The following BRD9 variants were observed in gnomAD, a reference collection of about 807,000 sequenced individuals.
BRD9 encodes the protein bromodomain containing 9.
A neutral mutation model predicts 68.7 loss-of-function variants in BRD9; 47 were observed. That is an observed-to-expected ratio of 0.68 (90% CI 0.54 to 0.87). The LOEUF (loss-of-function observed/expected upper bound fraction) is 0.87. Among genes scored for constraint, BRD9 ranks in the 40% least tolerant of loss-of-function variants. The pLI is 0.00. For synonymous variants in BRD9, 313 were observed against 293.9 expected, an observed-to-expected ratio of 1.06 and a Z score of -0.67; for missense variants, 670 against 748.4, an observed-to-expected ratio of 0.90 and a Z score of 1.22.
At chr5:889,880 CT>C in intron 3 of BRD9, 1 of 722,752 alleles carries the variant, frequency 1.4e-6, no homozygotes, top group Non-Finnish European at 2.2e-6. Flanking sequence ...ACCGGTAGCC[CT>C]TACATCAACA....
chr5:891,520 C>T lies in BRD9; in HGVS notation c.267+120G>A, dbSNP rs577558696. 76 of 1,439,218 alleles carry T rather than the reference C, an allele frequency of 5.3e-5. No homozygotes were observed. In the African/African-American group the frequency reaches 9.3e-4, roughly 18 times the overall value. 89.2% of individuals were successfully genotyped at this position (1,439,218 alleles called of 1,614,324 possible). A position where few individuals can be genotyped will look rare whatever the true frequency, so the allele number is the denominator to read the frequency against. On this transcript the variant is annotated intron_variant, in intron 2 of 15. Transcript: ENST00000467963. ...GGCCTCAGCGGTTCGCGTTTTGCTA[C>T]CAACGGAACACCCCCTCCCCTCCTC... is the stretch of plus-strand genomic sequence containing the variant.
chr5:883,379 C>A (rs994550655), intron 8 of BRD9: 8 of 456,812 alleles, frequency 1.8e-5, no homozygotes, highest in African/African-American at 1.2e-4. Flanking sequence ...CTTATCAGGG[C>A]TGCTAGGAAG....
chr5:868,388 T>A (rs779486452), intron 14 of BRD9, among the ~76,000 whole-genome samples: 43 of 152,190 alleles, frequency 2.8e-4, no homozygotes, highest in Non-Finnish European at 5.7e-4. Context: ...GAAGTAGTAA[T>A]AAGGACAAAA....
chr5:870,171 A>C, intron 14 of BRD9: 1 of 293,816 alleles, frequency 3.4e-6, no homozygotes, highest in East Asian at 7.6e-5. Context: ...TTGGGATTTC[A>C]TGGAGGCGGT....
rs776335129 is a variant in BRD9, at chr5:878,483, G to C, written c.1143C>G (p.Thr381=). ...GFKDERRNKV[T]FLSSATTALS... ...GCGCAGTAGTGGCACTGGAGAGAAA[G>C]GTGACTGGGAGGAAGAGGAGAGAGC... Residue 381 remains threonine (T), a synonymous_variant, in exon 11 of 16, where the codon ACC becomes ACG. Transcript: ENST00000467963. 1 of 1,614,040 alleles carries C rather than the reference G, an allele frequency of 6.2e-7. No individual in the cohort carries two copies. Among genetic ancestry groups the C allele is most frequent in the African/African-American group, 1.3e-5 (1 of 74,954 alleles).
intron 14 of BRD9, among the ~76,000 whole-genome samples, chr5:868,379 A>T (rs111680220): frequency 5.3e-5 from 8 of 152,230 alleles, no homozygotes; most frequent in Non-Finnish European, 1.0e-4. Flanking sequence ...AGCTGCTGAG[A>T]AGTAGTAATA....
At chr5:876,887 CG>C (rs1252212377) in intron 11 of BRD9, among the ~76,000 whole-genome samples, 1 of 152,094 alleles carries the variant, frequency 6.6e-6, no homozygotes, top group African/African-American at 2.4e-5. Flanking sequence ...ACCCACAGCC[CG>C]GGACAGGCCA....
chr5:876,796 G>C (rs930150077), intron 11 of BRD9, among the ~76,000 whole-genome samples: 11 of 152,244 alleles, frequency 7.2e-5, no homozygotes, highest in African/African-American at 2.2e-4. Flanking sequence ...CCTTCACAGA[G>C]AGGAACAAGG....
intron 14 of BRD9, 21 bp downstream of exon 14, chr5:870,452 A>C (rs1313171430): frequency 6.3e-7 from 1 of 1,581,148 alleles, no homozygotes; most frequent in Non-Finnish European, 8.7e-7. Context: ...GTGCTGTGGG[A>C]AAGTGCCTGT....
chr5:872,733 C>T (rs1750331559), intron 12 of BRD9, among the ~76,000 whole-genome samples: 1 of 152,202 alleles, frequency 6.6e-6, no homozygotes, highest in African/African-American at 2.4e-5. Context: ...ATCTTGAGTT[C>T]CTTCAAGGGA....
chr5:889,285 C>A (rs996550754), intron 4 of BRD9, 120 bp from the exon 5 acceptor site: 6 of 1,126,498 alleles, frequency 5.3e-6, no homozygotes, highest in East Asian at 2.6e-5. Context: ...AAAAAAGTTA[C>A]GAGCGTCTTT....
rs781035557 is a variant in BRD9, at chr5:890,172, G to A, written c.401-525C>T. ...CACGACACTGCACTCCAGCCTAGGCGACACAGCAAGACCATGTTTCAAAAA... is the reference window on the plus strand; with the variant it reads ...CACGACACTGCACTCCAGCCTAGGCAACACAGCAAGACCATGTTTCAAAAA... On this transcript the variant is annotated intron_variant, in intron 3 of 15. Transcript: ENST00000467963. 3.5e-5 allele frequency: 6 copies of A among 170,962 alleles called. No individual in the cohort carries two copies. The South Asian group carries it at 5.3e-4, about 15-fold the overall frequency. 10.6% of individuals were successfully genotyped at this position (170,962 alleles called of 1,614,324 possible). A position where few individuals can be genotyped will look rare whatever the true frequency, so the allele number is the denominator to read the frequency against.
intron 14 of BRD9, chr5:870,253 A>G: frequency 1.9e-6 from 1 of 518,738 alleles, no homozygotes. Context: ...CAGGGGCTGC[A>G]ACCACTTCTC....
chr5:889,681 G>T, intron 3 of BRD9, 34 bp from the exon 4 acceptor site: 1 of 1,608,120 alleles, frequency 6.2e-7, no homozygotes, highest in South Asian at 1.1e-5. Context: ...TTGAATACAA[G>T]ACTTTGGTAT....
intron 13 of BRD9, among the ~76,000 whole-genome samples, 176 bp from the exon 14 acceptor site, chr5:870,751 G>A (rs748609502): frequency 2.0e-5 from 3 of 152,220 alleles, no homozygotes; most frequent in Non-Finnish European, 4.4e-5. Context: ...CTGTCAGGTT[G>A]GAGCTCATGA....
intron 11 of BRD9, 110 bp downstream of exon 11, chr5:878,245 G>A: frequency 2.7e-6 from 4 of 1,488,596 alleles, no homozygotes; most frequent in Non-Finnish European, 3.6e-6. Context: ...CATATGGACG[G>A]CTGCAAGATG....
chr5:884,930 A>C (rs550589005), intron 7 of BRD9, among the ~76,000 whole-genome samples: 1 of 152,354 alleles, frequency 6.6e-6, no homozygotes, highest in African/African-American at 2.4e-5. Flanking sequence ...TCCTGCCTGC[A>C]GACTGACAGC....
At chr5:887,299 A>G in intron 6 of BRD9, 62 bp downstream of exon 6, 1 of 1,407,050 alleles carries the variant, frequency 7.1e-7, no homozygotes, top group Non-Finnish European at 1.0e-6. Flanking sequence ...CCCTTCGGGC[A>G]CAAGCGACGG....
At chr5:890,486 G>A (rs947673450) in intron 3 of BRD9, among the ~76,000 whole-genome samples, 2 of 152,144 alleles carry the variant, frequency 1.3e-5, no homozygotes, top group Admixed American at 6.5e-5. Flanking sequence ...CAGGAAGGCT[G>A]GGGACAAAGA....
Sources: allele counts gnomAD v4.1 joint callset (sites outside exome capture counted in the v4.1 genomes callset), GRCh38; gene constraint gnomAD v4.1.1; transcripts MANE v1.5; gene names NCBI Gene and HGNC (gene_info 2026-07-23, HGNC 2026-07-21).